Variants in PTPRN2 observed in about 807,000 individuals in gnomAD.
The protein encoded by PTPRN2 is receptor-type tyrosine-protein phosphatase N2.
A neutral mutation model predicts 118.8 loss-of-function variants in PTPRN2; 74 were observed. The ratio of observed to expected loss-of-function variants is 0.62; its 90% CI spans 0.52 to 0.76. The LOEUF is 0.76. PTPRN2 is among the 30% of genes least tolerant of loss of function. The pLI, the probability that PTPRN2 is intolerant of heterozygous loss-of-function variation, is 0.00. For missense variants in PTPRN2, 1,481 were observed against 1,394.4 expected (o/e 1.06, Z -0.99); for synonymous variants, 641 against 608.0 (o/e 1.05, Z -0.80).
chr7:158,321,024 G>A, intron 2 of PTPRN2, among the ~76,000 whole-genome samples: 1 of 152,018 alleles, frequency 6.6e-6, no homozygotes, highest in Admixed American at 6.5e-5. Flanking sequence ...GACCCCAAAA[G>A]GTCTCTATGA....
intron 11 of PTPRN2, among the ~76,000 whole-genome samples, chr7:158,002,445 C>T (rs1805333056): frequency 6.6e-6 from 1 of 152,154 alleles, no homozygotes; most frequent in Admixed American, 6.5e-5. Context: ...GGGAGAGTCA[C>T]TTTTGTTGCC....
At chr7:158,139,395 T>C (rs897173651) in intron 6 of PTPRN2, among the ~76,000 whole-genome samples, 2 of 152,014 alleles carry the variant, frequency 1.3e-5, no homozygotes, top group African/African-American at 4.8e-5. Context: ...TGAAGACAGA[T>C]CATAGAAGCG....
At chr7:158,214,046 T>C (rs1827797038) in intron 3 of PTPRN2, among the ~76,000 whole-genome samples, 1 of 152,048 alleles carries the variant, frequency 6.6e-6, no homozygotes, top group Non-Finnish European at 1.5e-5. Flanking sequence ...AGCCCAGCCA[T>C]CTCAGCCTTC....
At chr7:157,843,909 C>A (rs762888886) in intron 12 of PTPRN2, among the ~76,000 whole-genome samples, 14 of 152,216 alleles carry the variant, frequency 9.2e-5, no homozygotes, top group Non-Finnish European at 1.2e-4. Context: ...CAGGGCTCCA[C>A]ATTGGGGTCC....
chr7:158,068,212 A>C (rs940785701), intron 11 of PTPRN2, among the ~76,000 whole-genome samples: 2 of 151,944 alleles, frequency 1.3e-5, no homozygotes, highest in Non-Finnish European at 2.9e-5. Context: ...TGTCCCTGTC[A>C]CTCCTTCAAC....
chr7:158,395,736 G>GGC, intron 2 of PTPRN2, among the ~76,000 whole-genome samples: 1 of 42,642 alleles, frequency 2.3e-5, no homozygotes, highest in South Asian at 5.9e-4. Flanking sequence ...AGGGGAGAGG[G>GGC]GAGAGGGGCG....
intron 14 of PTPRN2, among the ~76,000 whole-genome samples, chr7:157,634,089 ACGTCCTAGGATTCC>A (rs148273561): frequency 0.028 from 4,233 of 152,214 alleles, 198 homozygotes; most frequent in African/African-American, 0.095. Flanking sequence ...TGCAGGCAAC[ACGTCCTAGGATTCC>A]CGTCTGCTCA....
chr7:157,978,303 C>A (rs1802899565), intron 11 of PTPRN2, among the ~76,000 whole-genome samples: 1 of 151,974 alleles, frequency 6.6e-6, no homozygotes, highest in Admixed American at 6.5e-5. Flanking sequence ...AGTGGCTTTG[C>A]AAAGACGTCT....
At chr7:157,952,326 G>A (rs556466215) in intron 11 of PTPRN2, among the ~76,000 whole-genome samples, 1 of 150,400 alleles carries the variant, frequency 6.6e-6, no homozygotes, top group South Asian at 2.1e-4. Context: ...TAGTGTGCAC[G>A]CCTGAGACAG....
intron 2 of PTPRN2, among the ~76,000 whole-genome samples, chr7:158,467,400 G>A (rs1819473888): frequency 6.6e-6 from 1 of 152,100 alleles, no homozygotes; most frequent in Admixed American, 6.5e-5. Flanking sequence ...CTCCCGCCCT[G>A]TAGGCTGCCT....
chr7:157,733,048 C>T (rs1459126257), intron 12 of PTPRN2, among the ~76,000 whole-genome samples: 9 of 31,748 alleles, frequency 2.8e-4, no homozygotes, highest in South Asian at 1.3e-3. Flanking sequence ...GCACAGTTAC[C>T]CTTTTCCGTC....
chr7:158,004,543 A>C (rs11531435), intron 11 of PTPRN2, among the ~76,000 whole-genome samples: 1 of 152,102 alleles, frequency 6.6e-6, no homozygotes, highest in Non-Finnish European at 1.5e-5. Context: ...GCTTGTTTAC[A>C]TTATATTTCT....
rs1216099526 is a variant in PTPRN2, at chr7:157,654,524, C to T, written c.2196+1833G>A. ...GGCCTGAGTGTGTTTCTCGTTTCGG[C>T]CCTGCAGTTGTGGGCGGTGGTGAGA... On this transcript the variant is annotated intron_variant, in intron 14 of 22. Coordinates refer to ENST00000389418, the MANE Select transcript of PTPRN2 (RefSeq NM_002847.5). Among the ~76,000 whole-genome samples, 3 of 152,314 alleles carry T rather than the reference C, an allele frequency of 2.0e-5. No homozygotes were observed. In the East Asian group the frequency reaches 5.8e-4, roughly 29 times the overall value.
intron 11 of PTPRN2, among the ~76,000 whole-genome samples, chr7:157,978,071 A>G (rs1802882946): frequency 6.6e-6 from 1 of 152,016 alleles, no homozygotes; most frequent in African/African-American, 2.4e-5. Context: ...GGTCAGGTGG[A>G]CCTGAATTGT....
At chr7:157,790,086 T>C (rs1272226435) in intron 12 of PTPRN2, among the ~76,000 whole-genome samples, 10 of 124,786 alleles carry the variant, frequency 8.0e-5, no homozygotes, top group Admixed American at 1.6e-4. Flanking sequence ...GTGTGTGGTG[T>C]GTGTGGTGGT....
At chr7:157,654,642 G>A (rs560675185) in intron 14 of PTPRN2, among the ~76,000 whole-genome samples, 1 of 152,322 alleles carries the variant, frequency 6.6e-6, no homozygotes, top group East Asian at 1.9e-4. Context: ...TTTCCGCCAG[G>A]TGGAGGCTGA....
In PTPRN2 at chr7:157,808,895, G is replaced by C; in HGVS notation, c.1788+89778C>G. ...CCTTGGACGATTCACATTTCACATG[G>C]TCAGTCCCTGCAGCACCTCCCGAAG... On this transcript the variant is annotated intron_variant, in intron 12 of 22. Coordinates refer to ENST00000389418, the MANE Select transcript of PTPRN2 (RefSeq NM_002847.5). This position sits in a 1 kb window ranked among gnomAD's most constrained non-coding sequence, Gnocchi z 5.0. 6.6e-6 allele frequency among the ~76,000 whole-genome samples: 1 copy of C among 152,194 alleles called. No homozygotes were observed. Among genetic ancestry groups the C allele is most frequent in the South Asian group, 2.1e-4 (1 of 4,812 alleles).
intron 12 of PTPRN2, among the ~76,000 whole-genome samples, chr7:157,758,583 C>T (rs1801946606): frequency 1.3e-5 from 2 of 152,226 alleles, no homozygotes; most frequent in South Asian, 2.1e-4. Context: ...AGGCTGCGTG[C>T]GCGGGGCATC....
chr7:158,206,431 C>A lies in PTPRN2; in HGVS notation c.278-1158G>T, dbSNP rs150106480. On this transcript the variant is annotated intron_variant, in intron 3 of 22. Transcript: ENST00000389418. ...GGCCCTGAATAATCAACAGTGGTACCCAGGCAGTACCCCATGGGCCTTGGG... is the reference window on the plus strand; with the variant it reads ...GGCCCTGAATAATCAACAGTGGTACACAGGCAGTACCCCATGGGCCTTGGG... 2.8e-3 allele frequency among the ~76,000 whole-genome samples: 419 copies of A among 151,560 alleles called. 10 individuals carry two copies. Among genetic ancestry groups the A allele is most frequent in the Admixed American group, 0.025 (383 of 15,272 alleles).
Sources: gnomAD v4.1 joint callset for allele counts (sites outside exome capture counted in the v4.1 genomes callset) on GRCh38, gnomAD v4.1.1 for gene constraint, Gnocchi (gnomAD v3.1) non-coding constraint, MANE v1.5 for transcripts, NCBI Gene and HGNC (gene_info 2026-07-23, HGNC 2026-07-21) for gene names.